The following MSRA variants were observed in gnomAD, a reference collection of about 807,000 sequenced individuals.
The protein encoded by MSRA is mitochondrial peptide methionine sulfoxide reductase.
In MSRA, 54 loss-of-function variants were observed where a neutral mutation model predicts 31.3. That is an observed-to-expected ratio of 1.73 (90% confidence interval 1.39 to 2.17). MSRA has a LOEUF of 2.17. MSRA is among the 30% of genes most tolerant of loss of function. The pLI, the probability that MSRA is intolerant of heterozygous loss-of-function variation, is 0.00. For synonymous variants in MSRA, 169 were observed against 116.5 expected (o/e 1.45, Z -2.90); for missense variants, 507 against 300.9 (o/e 1.69, Z -5.07).
chr8:10,347,488 C>A (rs552220189), intron 5 of MSRA, among the ~76,000 whole-genome samples: 1 of 152,254 alleles, frequency 6.6e-6, no homozygotes, highest in South Asian at 2.1e-4. Context: ...ATCAGTGGGT[C>A]CCCATCATCT....
intron 1 of MSRA, among the ~76,000 whole-genome samples, chr8:10,158,871 C>T (rs996433057): frequency 6.6e-6 from 1 of 152,202 alleles, no homozygotes; most frequent in African/African-American, 2.4e-5. Context: ...AGTTTATCCA[C>T]ATCCTCTCCA....
chr8:10,065,745 G>T (rs1390125340), intron 1 of MSRA, among the ~76,000 whole-genome samples: 2 of 152,170 alleles, frequency 1.3e-5, no homozygotes, highest in Non-Finnish European at 2.9e-5. Context: ...CGCTGTTGCC[G>T]GATGGTTGGT....
At chr8:10,263,682 G>C (rs897022115) in intron 3 of MSRA, among the ~76,000 whole-genome samples, 1 of 151,522 alleles carries the variant, frequency 6.6e-6, no homozygotes, top group African/African-American at 2.4e-5. Flanking sequence ...TCAACACCTT[G>C]GGTCTTTCTG....
chr8:10,338,127 T>C (rs547640302), intron 5 of MSRA, among the ~76,000 whole-genome samples: 1 of 152,302 alleles, frequency 6.6e-6, no homozygotes, highest in South Asian at 2.1e-4. Flanking sequence ...TGTGAACCAC[T>C]GTATGCACAC....
At chr8:10,212,262 A>G (rs751134545) in intron 2 of MSRA, among the ~76,000 whole-genome samples, 3 of 152,214 alleles carry the variant, frequency 2.0e-5, no homozygotes, top group African/African-American at 4.8e-5. Flanking sequence ...TCGAGAGTAA[A>G]AAGAGTGCTG....
intron 5 of MSRA, among the ~76,000 whole-genome samples, chr8:10,397,666 G>A (rs944684087): frequency 2.6e-5 from 4 of 152,198 alleles, no homozygotes; most frequent in East Asian, 1.9e-4. Flanking sequence ...CTCTCTGCAA[G>A]TGAAAATCAT....
chr8:10,345,045 T>G (rs1324038076), intron 5 of MSRA, among the ~76,000 whole-genome samples: 1 of 152,134 alleles, frequency 6.6e-6, no homozygotes, highest in Non-Finnish European at 1.5e-5. Flanking sequence ...TGGATCTCTC[T>G]CTCTTTCCAT....
chr8:10,355,838 G>T (rs966929675), intron 5 of MSRA, among the ~76,000 whole-genome samples: 1 of 152,162 alleles, frequency 6.6e-6, no homozygotes, highest in Admixed American at 6.5e-5. Context: ...TTAGAGTGGA[G>T]ACTTGGAGAT....
chr8:10,301,498 C>T (rs1229262755), intron 3 of MSRA, 36 bp from the exon 4 acceptor site: 1 of 1,514,938 alleles, frequency 6.6e-7, no homozygotes, highest in Non-Finnish European at 9.1e-7. Flanking sequence ...TGGATGTTGT[C>T]AGTAAATTTC....
chr8:10,302,748 C>G (rs916978941), intron 4 of MSRA, among the ~76,000 whole-genome samples: 17 of 152,168 alleles, frequency 1.1e-4, no homozygotes, highest in Non-Finnish European at 2.2e-4. Flanking sequence ...AGGTCTGGGC[C>G]TAGGAAGGAG....
chr8:10,076,571 G>A (rs1798004564), intron 1 of MSRA, among the ~76,000 whole-genome samples: 1 of 152,128 alleles, frequency 6.6e-6, no homozygotes, highest in African/African-American at 2.4e-5. Context: ...CATTCCCATC[G>A]CTTCTTGCAG....
chr8:10,369,546 G>T (rs149411300), intron 5 of MSRA, among the ~76,000 whole-genome samples: 9 of 152,294 alleles, frequency 5.9e-5, no homozygotes, highest in African/African-American at 2.2e-4. Flanking sequence ...CTTTTGACTT[G>T]TGGTGCTTCA....
intron 1 of MSRA, among the ~76,000 whole-genome samples, chr8:10,132,328 A>T (rs1420458137): frequency 6.6e-6 from 1 of 152,146 alleles, no homozygotes; most frequent in Non-Finnish European, 1.5e-5. Flanking sequence ...TCTTTTTGTC[A>T]CTGAATTCTC....
intron 3 of MSRA, among the ~76,000 whole-genome samples, chr8:10,269,047 G>T (rs1798891172): frequency 6.6e-6 from 1 of 152,178 alleles, no homozygotes. Flanking sequence ...ACAGTCGTTT[G>T]TCTCCAGGTT....
chr8:10,062,800 A>ATGTGATAGGAGTGGATCG (rs993270925), intron 1 of MSRA, among the ~76,000 whole-genome samples: 4 of 152,296 alleles, frequency 2.6e-5, no homozygotes, highest in South Asian at 2.1e-4. Context: ...ATGAAAATGT[A>ATGTGATAGGAGTGGATCG]TGTGATAGGA....
chr8:10,391,163 A>G (rs1806720863), intron 5 of MSRA, among the ~76,000 whole-genome samples: 1 of 152,184 alleles, frequency 6.6e-6, no homozygotes, highest in Non-Finnish European at 1.5e-5. Flanking sequence ...TGTTAACCTC[A>G]TTTGCATTGG....
chr8:10,389,006 T>C (rs1175518738), intron 5 of MSRA, among the ~76,000 whole-genome samples: 2 of 152,144 alleles, frequency 1.3e-5, no homozygotes, highest in Non-Finnish European at 2.9e-5. Context: ...GTTGACATAT[T>C]TATGCCTAGT....
intron 5 of MSRA, among the ~76,000 whole-genome samples, chr8:10,343,062 CACACACACACACAT>C (rs1803541264): frequency 6.9e-6 from 1 of 144,874 alleles, no homozygotes; most frequent in Non-Finnish European, 1.5e-5. Flanking sequence ...CAGACACACA[CACACACACACACAT>C]TTTAGCTTCC....
intron 4 of MSRA, among the ~76,000 whole-genome samples, chr8:10,305,381 C>A (rs1585417514): frequency 6.7e-6 from 1 of 149,346 alleles, no homozygotes; most frequent in Admixed American, 6.7e-5. Context: ...TAATGGACAT[C>A]TAGATGAAGT....
Sources: allele counts gnomAD v4.1 joint callset (sites outside exome capture counted in the v4.1 genomes callset), GRCh38; gene constraint gnomAD v4.1.1; transcripts MANE v1.5; gene names NCBI Gene and HGNC (gene_info 2026-07-23, HGNC 2026-07-21).